The following NALCN variants were observed in gnomAD, a reference collection of about 807,000 sequenced individuals.
NALCN encodes sodium leak channel, non-selective, also known as sodium leak channel NALCN.
NALCN carries 111 observed loss-of-function variants against 225.3 expected under a neutral mutation model. The observed-to-expected ratio is 0.49, with a 90% confidence interval of 0.42 to 0.58. NALCN has a LOEUF of 0.58. Among genes scored for constraint, NALCN ranks in the 20% least tolerant of loss-of-function variants. The pLI is 0.00. For missense variants in NALCN, 1,378 were observed against 2,202.4 expected, an observed-to-expected ratio of 0.63 and a Z score of 7.49; for synonymous variants, 764 against 769.0, an observed-to-expected ratio of 0.99 and a Z score of 0.11.
chr13:101,125,031 C>G (rs1038643699), intron 17 of NALCN, among the ~76,000 whole-genome samples: 1 of 152,130 alleles, frequency 6.6e-6, no homozygotes, highest in Admixed American at 6.5e-5. Context: ...CACATTATGT[C>G]TGCTGCAGGT....
chr13:101,122,059 T>G (rs930837677), intron 18 of NALCN, among the ~76,000 whole-genome samples: 1 of 152,070 alleles, frequency 6.6e-6, no homozygotes, highest in Non-Finnish European at 1.5e-5. Flanking sequence ...CTCATTGACA[T>G]GGACCCAATC....
intron 7 of NALCN, among the ~76,000 whole-genome samples, chr13:101,309,767 A>G (rs947824197): frequency 6.6e-6 from 1 of 152,236 alleles, no homozygotes. Context: ...CAAAGAAAAC[A>G]ATTTTAAAAA....
chr13:101,295,563 TG>T (rs2043717546), intron 7 of NALCN, among the ~76,000 whole-genome samples: 1 of 152,138 alleles, frequency 6.6e-6, no homozygotes, highest in African/African-American at 2.4e-5. Context: ...CTAGTAGCCT[TG>T]AAACTTCTAC....
At chr13:101,370,012 C>A (rs1420965865) in intron 6 of NALCN, among the ~76,000 whole-genome samples, 3 of 152,002 alleles carry the variant, frequency 2.0e-5, no homozygotes, top group African/African-American at 4.8e-5. Context: ...TTTTTTATTT[C>A]ATCTTCTTTA....
chr13:101,151,706 C>T (rs1292174706), intron 15 of NALCN, among the ~76,000 whole-genome samples: 1 of 152,144 alleles, frequency 6.6e-6, no homozygotes, highest in Admixed American at 6.5e-5. Flanking sequence ...TAGAGTCTTG[C>T]TAAGGCGTAA....
chr13:101,374,167 A>T (rs1177945049), intron 6 of NALCN, among the ~76,000 whole-genome samples: 1 of 152,060 alleles, frequency 6.6e-6, no homozygotes, highest in Non-Finnish European at 1.5e-5. Flanking sequence ...AAGTTATATT[A>T]AAAAACAAGA....
rs183240278 is a variant in NALCN at position 101,062,140 on chromosome 13, C to G, written c.4605-22G>C. The G allele has an allele frequency of 1.9e-5, 31 of 1,612,494 alleles. No individual in the cohort carries two copies. The African/African-American group carries it at 3.9e-4, about 20-fold the overall frequency. ...CATGCTGGTGGGAGAAACACACCTG[C>G]AATCGCAGCTCTGATTCACCTGAGA... On this transcript the variant is annotated intron_variant, in intron 40 of 43. Coordinates refer to ENST00000251127, the MANE Select transcript of NALCN (RefSeq NM_052867.4).
At chr13:101,179,135 A>T (rs771787475) in intron 14 of NALCN, among the ~76,000 whole-genome samples, 1 of 152,184 alleles carries the variant, frequency 6.6e-6, no homozygotes, top group African/African-American at 2.4e-5. Context: ...CACTGCAGTG[A>T]TGTTTATCAC....
At chr13:101,359,799 T>C (rs564057963) in intron 6 of NALCN, among the ~76,000 whole-genome samples, 1 of 152,230 alleles carries the variant, frequency 6.6e-6, no homozygotes, top group South Asian at 2.1e-4. Flanking sequence ...TATTCTTCTT[T>C]GGCCAAAAAC....
At chr13:101,172,864 G>A (rs1285369927) in intron 15 of NALCN, among the ~76,000 whole-genome samples, 1 of 152,066 alleles carries the variant, frequency 6.6e-6, no homozygotes, top group African/African-American at 2.4e-5. Context: ...ACCGCGCCTG[G>A]CCAACACCCC....
chr13:101,186,204 T>A (rs990790162), intron 14 of NALCN, among the ~76,000 whole-genome samples: 1 of 152,220 alleles, frequency 6.6e-6, no homozygotes, highest in African/African-American at 2.4e-5. Flanking sequence ...ATTGATCACA[T>A]AGCAAGTAGC....
intron 40 of NALCN, among the ~76,000 whole-genome samples, chr13:101,064,881 A>G (rs779714201): frequency 1.3e-5 from 2 of 152,200 alleles, no homozygotes; most frequent in Admixed American, 6.5e-5. Context: ...CAGAGACTCC[A>G]TTTGACCCTC....
At chr13:101,385,045 T>A (rs760615314) in intron 3 of NALCN, among the ~76,000 whole-genome samples, 8 of 152,150 alleles carry the variant, frequency 5.3e-5, no homozygotes, top group Non-Finnish European at 1.0e-4. Context: ...AAATCCTCCA[T>A]GCATCTTTAC....
At chr13:101,074,267 T>C (rs906913412) in intron 36 of NALCN, among the ~76,000 whole-genome samples, 2 of 152,202 alleles carry the variant, frequency 1.3e-5, no homozygotes, top group Admixed American at 6.5e-5. Flanking sequence ...GGTGGAATTA[T>C]AGATTCTTTT....
chr13:101,161,698 C>T (rs1026676022), intron 15 of NALCN, among the ~76,000 whole-genome samples: 4 of 152,190 alleles, frequency 2.6e-5, no homozygotes, highest in Admixed American at 6.5e-5. Context: ...ATGGTGAAAC[C>T]CCGTCTCTTC....
At chr13:101,141,694 A>T (rs1000850656) in intron 17 of NALCN, among the ~76,000 whole-genome samples, 1 of 151,836 alleles carries the variant, frequency 6.6e-6, no homozygotes, top group Non-Finnish European at 1.5e-5. Flanking sequence ...GAAAAAGGGG[A>T]GGCGAGATAA....
At chr13:101,369,337 G>A (rs1379369436) in intron 6 of NALCN, among the ~76,000 whole-genome samples, 1 of 152,066 alleles carries the variant, frequency 6.6e-6, no homozygotes, top group Non-Finnish European at 1.5e-5. Flanking sequence ...TTAGGATAAA[G>A]TAATGAGCTG....
At chr13:101,400,478 G>C (rs1309149433) in intron 1 of NALCN, among the ~76,000 whole-genome samples, 1 of 152,064 alleles carries the variant, frequency 6.6e-6, no homozygotes, top group African/African-American at 2.4e-5. Context: ...TGGGTCTAGA[G>C]AAAGAAACCT....
intron 13 of NALCN, among the ~76,000 whole-genome samples, chr13:101,223,433 C>T (rs1594470258): frequency 1.3e-5 from 2 of 152,216 alleles, no homozygotes; most frequent in South Asian, 4.1e-4. Flanking sequence ...TGAGGCTTTT[C>T]CCACAACCAA....
Sources: allele counts gnomAD v4.1 joint callset (sites outside exome capture counted in the v4.1 genomes callset), GRCh38; gene constraint gnomAD v4.1.1; transcripts MANE v1.5; gene names NCBI Gene and HGNC (gene_info 2026-07-23, HGNC 2026-07-21).